OTOA: variants seen among roughly 807,000 people sequenced by gnomAD.
OTOA encodes otoancorin.
OTOA carries 70 observed loss-of-function variants against 110.8 expected under a neutral mutation model. That is an observed-to-expected ratio of 0.63 (90% CI 0.52 to 0.77). OTOA has a LOEUF of 0.77. Ranked by LOEUF, OTOA falls within the 30% of genes least tolerant of loss-of-function variation. The pLI is 0.00. For synonymous variants in OTOA, 373 were observed against 431.5 expected (o/e 0.86, Z 1.68); for missense variants, 917 against 1,075.8 (o/e 0.85, Z 2.06).
chr16:21,690,814 G>T (rs969063003), intron 8 of OTOA, among the ~76,000 whole-genome samples: 3 of 151,674 alleles, frequency 2.0e-5, no homozygotes, highest in African/African-American at 7.3e-5. Flanking sequence ...AGAAAGGGAA[G>T]GTTTTTTTTT....
intron 1 of OTOA, among the ~76,000 whole-genome samples, chr16:21,665,117 A>G (rs1778874355): frequency 6.6e-6 from 1 of 152,228 alleles, no homozygotes; most frequent in Non-Finnish European, 1.5e-5. Context: ...TTTGCCCAAT[A>G]GCACACAGCT....
chr16:21,760,539 G>A lies in OTOA; in HGVS notation c.3419G>A (p.Ter1140=), dbSNP rs1900138576. ...GTTCTAATGGCCAAGCTCCTGTGGTGAGTGGCCTGAGCGCATCGTCCTGTG... is the reference window on the plus strand; with the variant it reads ...GTTCTAATGGCCAAGCTCCTGTGGTAAGTGGCCTGAGCGCATCGTCCTGTG... ...LLVLMAKLLW[*] is the part of the protein sequence containing the mutation. Residue 1140 remains the stop codon, a stop_retained_variant, in exon 29 of 29, where the codon TGA becomes TAA. Coordinates refer to ENST00000646100, the MANE Select transcript of OTOA (RefSeq NM_144672.4). 3 of 1,605,756 alleles carry A rather than the reference G, an allele frequency of 1.9e-6. No homozygotes were observed. Among genetic ancestry groups the A allele is most frequent in the East Asian group, 4.5e-5 (2 of 44,284 alleles).
chr16:21,711,491 C>T (rs570158411), intron 13 of OTOA, among the ~76,000 whole-genome samples: 21 of 151,972 alleles, frequency 1.4e-4, no homozygotes, highest in East Asian at 3.9e-4. Context: ...TTTTTTGATA[C>T]GGAGTCTTGC....
In OTOA at chr16:21,722,411, T is replaced by C. The variant is rs537917987; in HGVS notation, c.1807-494T>C. Reference sequence around the variant, plus strand: ...TATAGTTAAGCTATATATAACTATATGTATAGTTAAGCTATATATATAGTT... The same window carrying C: ...TATAGTTAAGCTATATATAACTATACGTATAGTTAAGCTATATATATAGTT... On this transcript the variant is annotated intron_variant, in intron 17 of 28. Coordinates refer to ENST00000646100, the MANE Select transcript of OTOA (RefSeq NM_144672.4). Among the ~76,000 whole-genome samples the C allele has an allele frequency of 2.0e-4, 14 of 71,032 alleles. No homozygotes were observed. In the East Asian group the frequency reaches 5.8e-3, roughly 30 times the overall value. 46.6% of individuals were successfully genotyped at this position (71,032 alleles called of 152,430 possible). A position where few individuals can be genotyped will look rare whatever the true frequency, so the allele number is the denominator to read the frequency against.
chr16:21,716,469 G>A (rs1441863886), intron 14 of OTOA, among the ~76,000 whole-genome samples: 1 of 152,086 alleles, frequency 6.6e-6, no homozygotes, highest in Non-Finnish European at 1.5e-5. Context: ...TACTCGGGAG[G>A]CTGAGGCAGG....
Position 21,709,887 on chromosome 16 carries a change from G to A in OTOA, c.1105-1G>A, listed in dbSNP as rs769314879. On this transcript the variant is annotated splice_acceptor_variant, in intron 12 of 28. Coordinates refer to ENST00000646100, the MANE Select transcript of OTOA (RefSeq NM_144672.4). LOFTEE classifies it high-confidence loss of function. ...CTCATTCCAGTTTGCTCTCCTTCCAGCTCAAAGCAGAACTCCTGGACATTG... is the reference window on the plus strand; with the variant it reads ...CTCATTCCAGTTTGCTCTCCTTCCAACTCAAAGCAGAACTCCTGGACATTG... 3 of 1,612,448 alleles carry A rather than the reference G, an allele frequency of 1.9e-6. No individual in the cohort carries two copies. Among genetic ancestry groups the A allele is most frequent in the Non-Finnish European group, 2.5e-6 (3 of 1,178,564 alleles).
rs1357543741 is a variant in OTOA, at chr16:21,681,910, GC to G, written c.267+86del. 20 of 1,258,184 alleles carry G rather than the reference GC, an allele frequency of 1.6e-5. 1 individual carries two copies. The highest frequency in any genetic ancestry group is 2.2e-5 in the Non-Finnish European group (19 of 861,652). 77.9% of individuals were successfully genotyped at this position (1,258,184 alleles called of 1,614,324 possible). A position where few individuals can be genotyped will look rare whatever the true frequency, so the allele number is the denominator to read the frequency against. ...GGGGCCAGGTAAGTTGGAGAAGTGG[GC>G]TGGATGTAGAGATAGTCTTTGCTTC... On this transcript the variant is annotated intron_variant, in intron 6 of 28. Transcript: ENST00000646100.
intron 21 of OTOA, among the ~76,000 whole-genome samples, chr16:21,734,608 G>T (rs1348708099): frequency 6.6e-6 from 1 of 152,166 alleles, no homozygotes; most frequent in African/African-American, 2.4e-5. Context: ...AGGCCGAGGC[G>T]GGCAGATCAC....
chr16:21,670,061 G>T (rs1423176243), intron 1 of OTOA, among the ~76,000 whole-genome samples: 1 of 152,108 alleles, frequency 6.6e-6, no homozygotes, highest in African/African-American at 2.4e-5. Context: ...GGGAGGCAGA[G>T]GTTGCAGTGA....
chr16:21,738,449 GTT>G lies in OTOA; in HGVS notation c.2431+2070_2431+2071del, dbSNP rs1206636111. Among the ~76,000 whole-genome samples, 18 of 99,800 alleles carry G rather than the reference GTT, an allele frequency of 1.8e-4. No individual in the cohort carries two copies. In the East Asian group the frequency reaches 2.0e-3, roughly 11 times the overall value. The allele number at this position is 99,800 out of a possible 152,430, so 65.5% of individuals were successfully genotyped here. A position where few individuals can be genotyped will look rare whatever the true frequency, so the allele number is the denominator to read the frequency against. On this transcript the variant is annotated intron_variant, in intron 22 of 28. Transcript: ENST00000646100. ...CCTCCATGCATTATCTTGTTCTCCC[GTT>G]TTTTTTTTTTCTTGGTGAATGTGGG...
At chr16:21,684,442 T>G in intron 6 of OTOA, 12 of 1,540,278 alleles carry the variant, frequency 7.8e-6, no homozygotes, top group Non-Finnish European at 1.1e-5. Context: ...GCCTGTATTT[T>G]GCTCCTGCGC....
chr16:21,735,267 G>A (rs537755674), intron 21 of OTOA, among the ~76,000 whole-genome samples: 23 of 152,212 alleles, frequency 1.5e-4, no homozygotes, highest in East Asian at 9.6e-4. Context: ...CAATCATGGC[G>A]GAAGGCGAAG....
At chr16:21,684,502 GA>G in intron 6 of OTOA, 1 of 1,550,028 alleles carries the variant, frequency 6.5e-7, no homozygotes, top group Non-Finnish European at 8.7e-7. Context: ...AAACTTCCTG[GA>G]CAAAGGCCAG....
chr16:21,708,651 A>T (rs1316801638), intron 12 of OTOA, among the ~76,000 whole-genome samples: 1 of 152,146 alleles, frequency 6.6e-6, no homozygotes, highest in Admixed American at 6.6e-5. Flanking sequence ...CAGTTGCCGA[A>T]CTTAGAGAAC....
intron 21 of OTOA, among the ~76,000 whole-genome samples, chr16:21,732,534 G>A (rs1229033572): frequency 6.6e-6 from 1 of 151,920 alleles, no homozygotes; most frequent in African/African-American, 2.4e-5. Flanking sequence ...TCATTCTTAT[G>A]CCTTTGGGTC....
chr16:21,695,236 C>T (rs80150689), intron 9 of OTOA, among the ~76,000 whole-genome samples: 1 of 88,626 alleles, frequency 1.1e-5, no homozygotes. Context: ...CCCCCCCCCC[C>T]ATACAAAAAA....
In OTOA at chr16:21,705,167, A is replaced by G. The variant is rs1357706333; in HGVS notation, c.981-2A>G. ...ACCACCATCCCTCCTCTTCTCACAC[A>G]GGCTGGGGCTGCTGGTTTGTTTCTA... On this transcript the variant is annotated splice_acceptor_variant, in intron 11 of 28. Coordinates refer to ENST00000646100, the MANE Select transcript of OTOA (RefSeq NM_144672.4). LOFTEE classifies it high-confidence loss of function. The G allele has an allele frequency of 6.2e-7, 1 of 1,614,112 alleles. No homozygotes were observed. The highest frequency in any genetic ancestry group is 8.5e-7 in the Non-Finnish European group (1 of 1,180,006).
In OTOA at chr16:21,728,441, G is replaced by C; in HGVS notation, c.2207+10G>C. On this transcript the variant is annotated intron_variant, in intron 20 of 28. Transcript: ENST00000646100. ...TCCTGGGACAGTATGGGTGAGGAGC[G>C]GCTGGGTTTGGCTTTTGGTGGTGTG... 1 of 1,611,924 alleles carries C rather than the reference G, an allele frequency of 6.2e-7. No individual in the cohort carries two copies. Among genetic ancestry groups the C allele is most frequent in the Non-Finnish European group, 8.5e-7 (1 of 1,179,172 alleles).
At chr16:21,670,964 G>A (rs965391474) in intron 1 of OTOA, among the ~76,000 whole-genome samples, 4 of 152,066 alleles carry the variant, frequency 2.6e-5, no homozygotes, top group Admixed American at 6.6e-5. Flanking sequence ...CAGATGGCCC[G>A]GGCAGGAACC....
Sources: gnomAD v4.1 joint callset for allele counts (sites outside exome capture counted in the v4.1 genomes callset) on GRCh38, gnomAD v4.1.1 for gene constraint, MANE v1.5 for transcripts, NCBI Gene and HGNC (gene_info 2026-07-23, HGNC 2026-07-21) for gene names.